CFI: variants seen among roughly 807,000 people sequenced by gnomAD.
CFI encodes C3B/C4B inactivator.
In CFI, 66 loss-of-function variants were observed where a neutral mutation model predicts 78.8. The ratio of observed to expected loss-of-function variants is 0.84; its 90% confidence interval spans 0.69 to 1.03. CFI has a LOEUF of 1.03. CFI is among the 50% of genes least tolerant of loss of function. The probability of loss-of-function intolerance (pLI) is 0.00; values close to 1 mark genes in which losing one functional copy is unlikely to be tolerated. For missense variants in CFI, 706 were observed against 704.5 expected (o/e 1.00, Z -0.02); for synonymous variants, 250 against 232.6 (o/e 1.07, Z -0.68).
At chr4:109,787,982 C>A (rs935965309) in intron 1 of CFI, among the ~76,000 whole-genome samples, 5 of 151,980 alleles carry the variant, frequency 3.3e-5, no homozygotes, top group Non-Finnish European at 4.4e-5. Flanking sequence ...TCCACTCAGG[C>A]CCCACTTCAG....
chr4:109,740,619 A>G (rs1421888726), downstream of CFI: 29 of 437,790 alleles, frequency 6.6e-5, no homozygotes, highest in Non-Finnish European at 1.1e-4. Context: ...ACATTATTCA[A>G]TTAGTTGTAA....
chr4:109,796,647 A>G (rs1014431331), intron 1 of CFI, among the ~76,000 whole-genome samples: 4 of 152,164 alleles, frequency 2.6e-5, no homozygotes, highest in Non-Finnish European at 5.9e-5. Context: ...ACAAAAAATA[A>G]AATTAGTTGG....
chr4:109,780,427 C>T (rs546202842), intron 1 of CFI, among the ~76,000 whole-genome samples: 1 of 152,144 alleles, frequency 6.6e-6, no homozygotes, highest in Admixed American at 6.5e-5. Context: ...CAGAGAAATG[C>T]AAATCAAAAC....
chr4:109,740,571 A>G (rs976752267), downstream of CFI: 1 of 367,622 alleles, frequency 2.7e-6, no homozygotes, highest in Non-Finnish European at 5.2e-6. Context: ...ATAGTAGGTG[A>G]TAGAGCTGGG....
Position 109,778,757 on chromosome 4 carries a change from G to A in CFI, c.58-11933C>T, listed in dbSNP as rs531374025. On this transcript the variant is annotated intron_variant, in intron 1 of 12. Coordinates refer to ENST00000394634, the MANE Select transcript of CFI (RefSeq NM_000204.5). ...ATAAAATACTGGCAAACCGAATCCA[G>A]CAGCACATCAAAAAGCTTATCCATT... Among the ~76,000 whole-genome samples the A allele has an allele frequency of 1.5e-3, 230 of 152,298 alleles. 1 individual carries two copies. Among genetic ancestry groups the A allele is most frequent in the Non-Finnish European group, 2.5e-3 (167 of 68,024 alleles).
the CFI span, among the ~76,000 whole-genome samples, chr4:109,733,659 A>G: frequency 6.6e-6 from 1 of 152,334 alleles, no homozygotes; most frequent in Non-Finnish European, 1.5e-5. Flanking sequence ...GAAAAAGAGG[A>G]ATCAAGGATG....
chr4:109,766,783 G>T lies in CFI; in HGVS notation c.99C>A (p.Cys33Ter). 1 of 1,614,104 alleles carries T rather than the reference G, an allele frequency of 6.2e-7. No individual in the cohort carries two copies. The highest frequency in any genetic ancestry group is 2.2e-5 in the East Asian group (1 of 44,882). The change falls in exon 2 of 13, where the codon TGC becomes TGA. Residue 33 changes from cysteine (C) to a stop codon, truncating the protein, a stop_gained. Transcript: ENST00000394634. LOFTEE classifies it high-confidence loss of function. ...TSQEDLVEKK[C>*]LAKKYTHLSC... ...AGAGGTGAGTATATTTTTTTGCTAA[G>T]CACTTTTTCTCCACCAGATCCTCTT...
At position 109,746,284 on chromosome 4, in the gene CFI, C is replaced by A; in HGVS notation, c.1367G>T (p.Trp456Leu). Residue 456 changes from tryptophan (W) to leucine (L), a missense_variant, in exon 11 of 13, where the codon TGG (tryptophan) becomes TTG (leucine). Physicochemically the swap from Trp to Leu is moderately conservative, Grantham distance 61. Transcript: ENST00000394634. ...LPRSIPACVP[W>L]SPYLFQPNDT... is the part of the protein sequence containing the mutation. The stretch of plus-strand genomic sequence containing the variant: ...ATTAGGTTGGAATAGGTAAGGAGAC[C>A]AGGGGACACAGGCAGGGATGGAACG... 1 of 1,614,150 alleles carries A rather than the reference C, an allele frequency of 6.2e-7. No homozygotes were observed. The highest frequency in any genetic ancestry group is 8.5e-7 in the Non-Finnish European group (1 of 1,180,020).
chr4:109,735,593 C>T, the CFI span, among the ~76,000 whole-genome samples: 5 of 152,184 alleles, frequency 3.3e-5, no homozygotes, highest in East Asian at 3.9e-4. Context: ...ATAAAAGCCA[C>T]GTGGTGAAAA....
intron 11 of CFI, 139 bp from the exon 12 acceptor site, chr4:109,742,734 C>T (rs1022574890): frequency 2.4e-5 from 15 of 634,014 alleles, no homozygotes; most frequent in African/African-American, 3.7e-5. Flanking sequence ...TCTTCCTTAG[C>T]GTGTTTAATC....
intron 7 of CFI, among the ~76,000 whole-genome samples, chr4:109,756,248 C>G (rs1726120319): frequency 6.6e-6 from 1 of 150,560 alleles, no homozygotes; most frequent in Admixed American, 6.6e-5. Flanking sequence ...GTATAAGGAG[C>G]TGAGGAGTAT....
At chr4:109,748,639 G>A (rs2126189902) in intron 10 of CFI, among the ~76,000 whole-genome samples, 1 of 152,226 alleles carries the variant, frequency 6.6e-6, no homozygotes, top group Admixed American at 6.5e-5. Flanking sequence ...TGCAGGAGGG[G>A]GCAAATGCAC....
At chr4:109,792,431 C>A (rs1036423043) in intron 1 of CFI, among the ~76,000 whole-genome samples, 1 of 152,062 alleles carries the variant, frequency 6.6e-6, no homozygotes, top group South Asian at 2.1e-4. Flanking sequence ...CACAAATTAG[C>A]CGGGCGTGGT....
chr4:109,785,764 T>C (rs1012208787), intron 1 of CFI, among the ~76,000 whole-genome samples: 4 of 152,060 alleles, frequency 2.6e-5, no homozygotes, highest in Admixed American at 2.6e-4. Context: ...CGGTTTCACC[T>C]ATGCTGTTCT....
intron 7 of CFI, among the ~76,000 whole-genome samples, chr4:109,756,895 AAGAAAGAAAGAAAGAAAGAAAGAAAG>A (rs1205028342): frequency 9.3e-4 from 23 of 24,676 alleles, no homozygotes; most frequent in South Asian, 2.4e-3. Flanking sequence ...AAAGGAAAGA[AAGAAAGAAAGAAAGAAAGAAAGAAAG>A]AAAGAAAGAA....
At chr4:109,750,116 C>A (rs1292013961) in intron 8 of CFI, among the ~76,000 whole-genome samples, 3 of 152,076 alleles carry the variant, frequency 2.0e-5, no homozygotes, top group African/African-American at 7.2e-5. Context: ...CCTGCCTCAG[C>A]CTCCCAAGTA....
chr4:109,743,339 C>A (rs1724033662), intron 11 of CFI, among the ~76,000 whole-genome samples: 1 of 152,170 alleles, frequency 6.6e-6, no homozygotes, highest in African/African-American at 2.4e-5. Context: ...AAACTGTGAG[C>A]AATTCTTAAT....
At chr4:109,788,248 A>T (rs1730987229) in intron 1 of CFI, among the ~76,000 whole-genome samples, 1 of 152,122 alleles carries the variant, frequency 6.6e-6, no homozygotes, top group Non-Finnish European at 1.5e-5. Flanking sequence ...CTGGAAGTGA[A>T]ATTGCTGAAT....
In CFI at chr4:109,796,235, G is replaced by A. The variant is rs189113290; in HGVS notation, c.57+5680C>T. Among the ~76,000 whole-genome samples the A allele has an allele frequency of 6.1e-4, 92 of 152,042 alleles. 1 individual carries two copies. The East Asian group carries it at 0.017, about 28-fold the overall frequency. The stretch of plus-strand genomic sequence containing the variant: ...GATAATATATTCAAAGTGTCATAAC[G>A]AAGAAACAAAAAACCCCAAAACCAC... On this transcript the variant is annotated intron_variant, in intron 1 of 12. Transcript: ENST00000394634.
Sources: gnomAD v4.1 joint callset for allele counts (sites outside exome capture counted in the v4.1 genomes callset) on GRCh38, gnomAD v4.1.1 for gene constraint, MANE v1.5 for transcripts, NCBI Gene and HGNC (gene_info 2026-07-23, HGNC 2026-07-21) for gene names.